The following IGF2BP2 variants were observed in gnomAD, a reference collection of about 807,000 sequenced individuals.
IGF2BP2 encodes insulin-like growth factor 2 mRNA-binding protein 2.
IGF2BP2 carries 17 observed loss-of-function variants against 75.8 expected under a neutral mutation model. The observed-to-expected ratio is 0.22, with a 90% confidence interval of 0.15 to 0.34. IGF2BP2 has a LOEUF of 0.34. Ranked by LOEUF, IGF2BP2 falls within the 10% of genes least tolerant of loss-of-function variation. The pLI, the probability that IGF2BP2 is intolerant of heterozygous loss-of-function variation, is 1.00. For missense variants in IGF2BP2, 516 were observed against 772.4 expected, an observed-to-expected ratio of 0.67 and a Z score of 3.93; for synonymous variants, 288 against 295.6, an observed-to-expected ratio of 0.97 and a Z score of 0.26.
chr3:185,719,772 T>G (rs1332882123), intron 2 of IGF2BP2, among the ~76,000 whole-genome samples: 3 of 151,886 alleles, frequency 2.0e-5, no homozygotes, highest in Non-Finnish European at 4.4e-5. Context: ...AGGTGGAGGT[T>G]GCAGTGAGCC....
At chr3:185,678,239 G>A (rs79806179) in intron 7 of IGF2BP2, among the ~76,000 whole-genome samples, 6,254 of 152,286 alleles carry the variant, frequency 0.041, 159 homozygotes, top group Non-Finnish European at 0.054. Flanking sequence ...AGGAGCTTCC[G>A]TAACACTATC....
intron 7 of IGF2BP2, among the ~76,000 whole-genome samples, chr3:185,677,023 A>ATATATATATATATATG (rs1719528108): frequency 1.8e-5 from 2 of 112,544 alleles, no homozygotes; most frequent in African/African-American, 3.6e-5. Context: ...ATATATGGAG[A>ATATATATATATATATG]GAGATATATA....
chr3:185,788,037 A>G (rs1315254580), intron 2 of IGF2BP2, among the ~76,000 whole-genome samples: 4 of 152,234 alleles, frequency 2.6e-5, no homozygotes, highest in African/African-American at 9.6e-5. Context: ...GTTGCATGAA[A>G]GCAAGGACTT....
intron 2 of IGF2BP2, among the ~76,000 whole-genome samples, chr3:185,799,712 A>G (rs749300831): frequency 6.6e-6 from 1 of 151,984 alleles, no homozygotes; most frequent in Non-Finnish European, 1.5e-5. Context: ...AGATTGCACA[A>G]CTGCACTCCA....
chr3:185,661,635 CA>C (rs562781189), intron 10 of IGF2BP2, among the ~76,000 whole-genome samples: 673 of 39,620 alleles, frequency 0.017, 5 homozygotes, highest in African/African-American at 0.041. Flanking sequence ...AAGACTGTCT[CA>C]AAAAAAAAAA....
At chr3:185,818,922 T>C (rs573569451) in intron 2 of IGF2BP2, among the ~76,000 whole-genome samples, 2 of 152,204 alleles carry the variant, frequency 1.3e-5, no homozygotes, top group African/African-American at 4.8e-5. Context: ...ACAAAAACCA[T>C]GTGTTTACTC....
At chr3:185,737,177 C>T (rs951287815) in intron 2 of IGF2BP2, among the ~76,000 whole-genome samples, 38 of 152,144 alleles carry the variant, frequency 2.5e-4, no homozygotes, top group African/African-American at 8.9e-4. Context: ...TTTAATCATC[C>T]GTTGGCCAAG....
intron 10 of IGF2BP2, among the ~76,000 whole-genome samples, chr3:185,671,299 G>C (rs1718460895): frequency 6.6e-6 from 1 of 152,132 alleles, no homozygotes; most frequent in Admixed American, 6.6e-5. Flanking sequence ...TATAATCCCA[G>C]CACTTTGGAA....
intron 7 of IGF2BP2, among the ~76,000 whole-genome samples, chr3:185,677,860 C>G (rs922206816): frequency 2.0e-5 from 3 of 152,048 alleles, no homozygotes; most frequent in African/African-American, 7.2e-5. Context: ...TTTGACCAGA[C>G]AGAGGAAAGG....
chr3:185,743,011 A>C (rs190077541), intron 2 of IGF2BP2, among the ~76,000 whole-genome samples: 13 of 151,960 alleles, frequency 8.6e-5, no homozygotes, highest in African/African-American at 3.1e-4. Flanking sequence ...AGACAGAAGA[A>C]TTGCTTGAAT....
chr3:185,795,374 C>T lies in IGF2BP2; in HGVS notation c.239+27779G>A, dbSNP rs761022168. Among the ~76,000 whole-genome samples the T allele has an allele frequency of 2.1e-4, 32 of 152,328 alleles. 1 individual carries two copies. The highest frequency in any genetic ancestry group is 6.8e-3 in the Middle Eastern group (2 of 294). On this transcript the variant is annotated intron_variant, in intron 2 of 15. Transcript: ENST00000382199. ...CACATTTGTTTCTCCAGGCACCTGG[C>T]AATGGACACTCGGGCCACTTCCACA...
At chr3:185,820,167 A>C (rs1209530247) in intron 2 of IGF2BP2, among the ~76,000 whole-genome samples, 1 of 151,130 alleles carries the variant, frequency 6.6e-6, no homozygotes, top group Non-Finnish European at 1.5e-5. Flanking sequence ...AAGCACATTC[A>C]AGTTAGCATG....
At chr3:185,659,152 GA>G (rs1715973447) in intron 10 of IGF2BP2, among the ~76,000 whole-genome samples, 1 of 152,060 alleles carries the variant, frequency 6.6e-6, no homozygotes, top group Admixed American at 6.6e-5. Flanking sequence ...CTAGGAATTT[GA>G]GGCTGCAGTG....
intron 2 of IGF2BP2, among the ~76,000 whole-genome samples, chr3:185,708,922 T>A (rs1724422810): frequency 6.6e-6 from 1 of 152,160 alleles, no homozygotes; most frequent in East Asian, 1.9e-4. Flanking sequence ...CTAAACAGAG[T>A]AAAAACCAAA....
intron 2 of IGF2BP2, among the ~76,000 whole-genome samples, chr3:185,741,738 C>T (rs189581281): frequency 3.9e-5 from 6 of 152,288 alleles, no homozygotes; most frequent in South Asian, 2.1e-4. Context: ...CCAATGAGTA[C>T]GGGATTTTGG....
chr3:185,775,026 A>C (rs951451601), intron 2 of IGF2BP2, among the ~76,000 whole-genome samples: 1 of 148,650 alleles, frequency 6.7e-6, no homozygotes, highest in Non-Finnish European at 1.5e-5. Context: ...TCTAAAAAGA[A>C]AAAAAAAAAA....
intron 10 of IGF2BP2, among the ~76,000 whole-genome samples, chr3:185,658,752 AACC>A (rs1715897817): frequency 6.6e-6 from 1 of 152,216 alleles, no homozygotes; most frequent in Admixed American, 6.5e-5. Context: ...ATACACTCTT[AACC>A]TGCCCTCGGG....
rs1371737072 is a variant in IGF2BP2, at chr3:185,649,539, G to C, written c.1462-5C>G. ...CCCAAAGATCCGTCCCTGGGCCTGA[G>C]AGAGCAAGACATGACTAATGACTCT... On this transcript the variant is annotated splice_polypyrimidine_tract_variant and splice_region_variant and intron_variant, in intron 13 of 15. Coordinates refer to ENST00000382199, the MANE Select transcript of IGF2BP2 (RefSeq NM_006548.6). 2 of 1,614,060 alleles carry C rather than the reference G, an allele frequency of 1.2e-6. No homozygotes were observed. The highest frequency in any genetic ancestry group is 1.1e-5 in the South Asian group (1 of 91,050).
At chr3:185,812,951 CA>C (rs1452471964) in intron 2 of IGF2BP2, among the ~76,000 whole-genome samples, 1 of 152,210 alleles carries the variant, frequency 6.6e-6, no homozygotes, top group African/African-American at 2.4e-5. Flanking sequence ...AGCCACTGAT[CA>C]ATTTCAATAT....
Sources: allele counts gnomAD v4.1 joint callset (sites outside exome capture counted in the v4.1 genomes callset), GRCh38; gene constraint gnomAD v4.1.1; transcripts MANE v1.5; gene names NCBI Gene and HGNC (gene_info 2026-07-23, HGNC 2026-07-21).